Variants in SYNE1 observed in about 807,000 individuals in gnomAD.
SYNE1 encodes nesprin-1.
SYNE1 carries 616 observed loss-of-function variants against 1,111.0 expected under a neutral mutation model. The ratio of observed to expected loss-of-function variants is 0.55; its 90% confidence interval spans 0.52 to 0.59. The LOEUF (loss-of-function observed/expected upper bound fraction) is 0.59. SYNE1 is among the 20% of genes least tolerant of loss of function. SYNE1 has a pLI of 0.00. For synonymous variants in SYNE1, 3,855 were observed against 3,825.8 expected (o/e 1.01, Z -0.28); for missense variants, 10,006 against 10,417.0 (o/e 0.96, Z 1.72).
intron 131 of SYNE1, among the ~76,000 whole-genome samples, chr6:152,160,533 T>G (rs111543794): frequency 6.6e-6 from 1 of 152,182 alleles, no homozygotes; most frequent in African/African-American, 2.4e-5. Flanking sequence ...TTTCCCCTCT[T>G]GCTTTAGTGC....
chr6:152,428,284 G>A lies in SYNE1; in HGVS notation c.4897C>T (p.Gln1633Ter). 2 of 1,614,166 alleles carry A rather than the reference G, an allele frequency of 1.2e-6. No homozygotes were observed. Among genetic ancestry groups the A allele is most frequent in the Non-Finnish European group, 1.7e-6 (2 of 1,180,040 alleles). Residue 1633 changes from glutamine (Q) to a stop codon, truncating the protein, a stop_gained, in exon 37 of 146, where the codon CAG (glutamine) becomes TAG (stop). Transcript: ENST00000367255. LOFTEE classifies it high-confidence loss of function. ...DSCVQEAAAL[Q>*]QQYEDILRRA... is the part of the protein sequence containing the mutation. ...CTTAGGATGTCCTCGTATTGCTGCT[G>A]TAGAGCCGCAGCCTCCTGAACACAG... is the stretch of plus-strand genomic sequence containing the variant.
intron 145 of SYNE1, chr6:152,128,341 A>C (rs967011606): frequency 1.3e-5 from 2 of 152,212 alleles, no homozygotes; most frequent in Non-Finnish European, 2.9e-5. Context: ...GCTCCCTGTA[A>C]CGATTTAGGG....
Position 152,220,953 on chromosome 6 carries a change from C to T in SYNE1, c.21750G>A (p.Gln7250=). Residue 7250 remains glutamine, a synonymous_variant, in exon 119 of 146, where the codon CAG becomes CAA. Coordinates refer to ENST00000367255, the MANE Select transcript of SYNE1 (RefSeq NM_182961.4). ...LWQRYKDYSK[Q]CASTVQQQED... ...CCTGCTGCTGAACTGTCGAAGCACA[C>T]TGTTTGGAGTAGTCCTTGTATCTTT... 1 of 1,614,178 alleles carries T rather than the reference C, an allele frequency of 6.2e-7. No homozygotes were observed. Among genetic ancestry groups the T allele is most frequent in the Non-Finnish European group, 8.5e-7 (1 of 1,180,008 alleles).
rs555596115 is a variant in SYNE1, at chr6:152,538,635, A to C, written c.129+1325T>G. Reference sequence around the variant, plus strand: ...AATAACTCTTTTCATTTTGAAAAAAAAAAACAAAACCTTTTCCCCAATCGA... The same window carrying C: ...AATAACTCTTTTCATTTTGAAAAAACAAAACAAAACCTTTTCCCCAATCGA... On this transcript the variant is annotated intron_variant, in intron 4 of 145. Coordinates refer to ENST00000367255, the MANE Select transcript of SYNE1 (RefSeq NM_182961.4). Among the ~76,000 whole-genome samples, 32 of 152,046 alleles carry C rather than the reference A, an allele frequency of 2.1e-4. No homozygotes were observed. The South Asian group carries it at 6.0e-3, about 29-fold the overall frequency.
chr6:152,364,726 AAGGGAGG>A (rs1468886829), intron 63 of SYNE1, 114 bp downstream of exon 63: 1 of 368,434 alleles, frequency 2.7e-6, no homozygotes, highest in African/African-American at 2.8e-5. Context: ...GGAAGGAAGG[AAGGGAGG>A]AAGGAAAGGA....
chr6:152,442,107 G>C lies in SYNE1; in HGVS notation c.3976C>G (p.Arg1326Gly). 6.2e-7 allele frequency: 1 copy of C among 1,613,986 alleles called. No homozygotes were observed. The highest frequency in any genetic ancestry group is 8.5e-7 in the Non-Finnish European group (1 of 1,180,018). Residue 1326 changes from arginine (R) to glycine (G), a missense_variant, in exon 31 of 146, where the codon CGC becomes GGC. Arg to Gly is a moderately radical substitution (Grantham distance 125). Around this residue, in one of 7 missense-constraint regions of SYNE1, gnomAD observed 1,971 missense variants for 2,084.1 expected, o/e 0.95. Transcript: ENST00000367255. ...KLESTLDGLE[R>G]SRERQERRIQ... ...CGGCGTTCCTGCCTCTCCCGGCTGC[G>C]CTCCAGGCCATCCAGTGTGCTCTCC... is the stretch of plus-strand genomic sequence containing the variant.
intron 105 of SYNE1, among the ~76,000 whole-genome samples, chr6:152,244,899 G>A (rs1464591004): frequency 6.6e-6 from 1 of 152,098 alleles, no homozygotes; most frequent in Non-Finnish European, 1.5e-5. Context: ...AGAAAGTCAG[G>A]GTAGAGGGCT....
chr6:152,409,410 A>G (rs2097971361), intron 43 of SYNE1, 149 bp downstream of exon 43: 1 of 1,183,246 alleles, frequency 8.5e-7, no homozygotes, highest in South Asian at 1.4e-5. Context: ...CTAGAATGTC[A>G]GCATTCCTAG....
chr6:152,591,195 G>C (rs1464889674), intron 3 of SYNE1, among the ~76,000 whole-genome samples: 1 of 152,054 alleles, frequency 6.6e-6, no homozygotes, highest in Non-Finnish European at 1.5e-5. Context: ...CCCAGATGTT[G>C]TTGGTGTACA....
At chr6:152,261,582 T>C (rs113984530) in intron 101 of SYNE1, among the ~76,000 whole-genome samples, 51 of 152,304 alleles carry the variant, frequency 3.3e-4, no homozygotes, top group African/African-American at 1.2e-3. Flanking sequence ...CGTCCCAATA[T>C]GTTTCTCATT....
At chr6:152,345,479 T>C (rs2096613538) in intron 73 of SYNE1, among the ~76,000 whole-genome samples, 1 of 152,200 alleles carries the variant, frequency 6.6e-6, no homozygotes, top group Non-Finnish European at 1.5e-5. Flanking sequence ...AGTTGACTAA[T>C]GTCACCCAGA....
chr6:152,510,287 T>A lies in SYNE1; in HGVS notation c.487A>T (p.Thr163Ser), dbSNP rs886061218. Residue 163 changes from threonine to serine, a missense_variant, in exon 8 of 146, where the codon ACT (threonine) becomes TCT (serine). By Grantham distance (58) the Thr-to-Ser change is moderately conservative. Coordinates refer to ENST00000367255, the MANE Select transcript of SYNE1 (RefSeq NM_182961.4). ...TTCCGTTTACTTGGTGGGCTGGGAG[T>A]CTCAGAGCTAACTATGCTGTCCACG... ...SSVDSIVSSE[T>S]PSPPSKRKVT... 1.9e-6 allele frequency: 3 copies of A among 1,613,986 alleles called. No individual in the cohort carries two copies. In the South Asian group the frequency reaches 3.3e-5, roughly 18 times the overall value.
At chr6:152,316,728 T>C (rs1421853127) in intron 87 of SYNE1, 121 bp downstream of exon 87, 1 of 1,144,838 alleles carries the variant, frequency 8.7e-7, no homozygotes, top group Non-Finnish European at 1.3e-6. Flanking sequence ...TACCTTAGCA[T>C]TCTTTTTATC....
At chr6:152,461,870 G>A (rs1357043416) in intron 20 of SYNE1, 130 bp from the exon 21 acceptor site, 15 of 1,196,656 alleles carry the variant, frequency 1.3e-5, no homozygotes, top group East Asian at 4.9e-5. Flanking sequence ...AACTTTCGAC[G>A]ATTCCAGTTT....
At position 152,458,902 on chromosome 6, in the gene SYNE1, T is replaced by C; in HGVS notation, c.2423A>G (p.Tyr808Cys). The C allele has an allele frequency of 6.2e-7, 1 of 1,613,992 alleles. No individual in the cohort carries two copies. The highest frequency in any genetic ancestry group is 8.5e-7 in the Non-Finnish European group (1 of 1,179,952). The change falls in exon 22 of 146, where the codon TAT becomes TGT. Residue 808 changes from tyrosine to cysteine, a missense_variant. Physicochemically the swap from Tyr to Cys is radical, Grantham distance 194 (BLOSUM62 -2). Transcript: ENST00000367255. ...KVKECYSPLL[Y>C]ESQQLLIPLE... is the part of the protein sequence containing the mutation. ...CGGAATCAACAGCTGCTGAGACTCATAAAGGAGTGGGGAGTAACATTCTTT... is the reference window on the plus strand; with the variant it reads ...CGGAATCAACAGCTGCTGAGACTCACAAAGGAGTGGGGAGTAACATTCTTT...
intron 130 of SYNE1, among the ~76,000 whole-genome samples, chr6:152,171,762 T>C (rs1456960871): frequency 6.6e-6 from 1 of 152,212 alleles, no homozygotes; most frequent in African/African-American, 2.4e-5. Context: ...GCAGGCCACC[T>C]GTTTTGGTAA....
chr6:152,247,969 T>C (rs2087914848), intron 105 of SYNE1, among the ~76,000 whole-genome samples: 1 of 151,948 alleles, frequency 6.6e-6, no homozygotes, highest in African/African-American at 2.4e-5. Flanking sequence ...GAGAATTCTA[T>C]TAAAACACAT....
At chr6:152,516,167 T>C (rs748866971) in intron 6 of SYNE1, among the ~76,000 whole-genome samples, 2 of 152,142 alleles carry the variant, frequency 1.3e-5, no homozygotes, top group Non-Finnish European at 2.9e-5. Context: ...GGCAAACATT[T>C]TGTGAGGCCA....
At chr6:152,596,266 G>GTTTTTTTTTTTTTTTTTTTTTTTTT (rs1480694776) in intron 3 of SYNE1, among the ~76,000 whole-genome samples, 1 of 118,756 alleles carries the variant, frequency 8.4e-6, no homozygotes, top group African/African-American at 4.0e-5. Flanking sequence ...TTTTTTGTTT[G>GTTTTTTTTTTTTTTTTTTTTTTTTT]TTTGTTTTTT....
Sources: gnomAD v4.1 joint callset for allele counts (sites outside exome capture counted in the v4.1 genomes callset) on GRCh38, gnomAD v4.1.1 for gene constraint, gnomAD v4.1.1 regional missense constraint, MANE v1.5 for transcripts, NCBI Gene and HGNC (gene_info 2026-07-23, HGNC 2026-07-21) for gene names.